Variants in CDH13 observed in about 807,000 individuals in gnomAD.
CDH13 encodes the protein cadherin-13.
In CDH13, 24 loss-of-function variants were observed where a neutral mutation model predicts 63.8. The observed-to-expected ratio is 0.38, with a 90% CI of 0.27 to 0.53. The LOEUF (loss-of-function observed/expected upper bound fraction) is 0.53. Ranked by LOEUF, CDH13 falls within the 20% of genes least tolerant of loss-of-function variation. The pLI is 0.85. For synonymous variants in CDH13, 503 were observed against 355.3 expected (o/e 1.42, Z -4.67); for missense variants, 1,049 against 903.1 (o/e 1.16, Z -2.07).
intron 6 of CDH13, among the ~76,000 whole-genome samples, chr16:83,350,525 C>G (rs761540016): frequency 6.7e-6 from 1 of 150,280 alleles, no homozygotes; most frequent in East Asian, 1.9e-4. Flanking sequence ...CAGCCACTTT[C>G]CCTCCCTCTC....
chr16:83,678,365 C>G lies in CDH13; in HGVS notation c.1442C>G (p.Pro481Arg), dbSNP rs766801392. ...VNEGPVFYPD[P>R]MMVTRQEDLS... The stretch of plus-strand genomic sequence containing the variant: ...GAGGGCCCAGTCTTCTACCCAGACC[C>G]CATGATGGTGACCAGGCAGGAGGAC... Residue 481 changes from proline (P) to arginine (R), a missense_variant, in exon 10 of 14, where the codon CCC becomes CGC. Transcript: ENST00000567109. 3.1e-6 allele frequency: 5 copies of G among 1,613,988 alleles called. No individual in the cohort carries two copies. In the Admixed American group the frequency reaches 6.7e-5, roughly 22 times the overall value.
chr16:83,469,830 C>G (rs1472018843), intron 6 of CDH13, among the ~76,000 whole-genome samples: 2 of 152,216 alleles, frequency 1.3e-5, no homozygotes, highest in African/African-American at 2.4e-5. Flanking sequence ...CAAAGCACAT[C>G]TCATATTTGA....
intron 1 of CDH13, among the ~76,000 whole-genome samples, chr16:82,766,660 T>G (rs2035064740): frequency 6.6e-6 from 1 of 152,232 alleles, no homozygotes; most frequent in African/African-American, 2.4e-5. Flanking sequence ...CCTCATTGTT[T>G]ATGTCTTTAC....
At chr16:82,998,385 C>G (rs1158564253) in intron 2 of CDH13, among the ~76,000 whole-genome samples, 1 of 152,178 alleles carries the variant, frequency 6.6e-6, no homozygotes, top group Non-Finnish European at 1.5e-5. Context: ...AAGAGTATCA[C>G]TTTCGTGAAG....
intron 1 of CDH13, among the ~76,000 whole-genome samples, chr16:82,736,503 G>T (rs1256701045): frequency 1.3e-5 from 2 of 152,078 alleles, no homozygotes; most frequent in Non-Finnish European, 2.9e-5. Flanking sequence ...AAAATAAACA[G>T]AGCACTGCCA....
intron 2 of CDH13, among the ~76,000 whole-genome samples, chr16:82,968,844 G>A (rs756536730): frequency 3.9e-5 from 6 of 152,248 alleles, no homozygotes; most frequent in South Asian, 2.1e-4. Context: ...ATAAGGCTGG[G>A]TGTAGTGGCT....
At chr16:82,852,181 T>C (rs1044114794) in intron 1 of CDH13, among the ~76,000 whole-genome samples, 1 of 152,192 alleles carries the variant, frequency 6.6e-6, no homozygotes, top group Non-Finnish European at 1.5e-5. Context: ...AGTTGTGTCA[T>C]GTTTTTCTTC....
At chr16:83,788,671 T>C (rs544659993) in intron 13 of CDH13, among the ~76,000 whole-genome samples, 2 of 152,280 alleles carry the variant, frequency 1.3e-5, no homozygotes, top group African/African-American at 4.8e-5. Context: ...CCCTAAAGAA[T>C]TGCTTCACAG....
chr16:82,881,262 T>G (rs1259192818), intron 2 of CDH13, among the ~76,000 whole-genome samples: 1 of 152,086 alleles, frequency 6.6e-6, no homozygotes, highest in Non-Finnish European at 1.5e-5. Flanking sequence ...TTGGATGCCA[T>G]GGGTTGAAGT....
At chr16:83,116,906 G>T (rs1168731339) in intron 3 of CDH13, among the ~76,000 whole-genome samples, 1 of 152,176 alleles carries the variant, frequency 6.6e-6, no homozygotes, top group South Asian at 2.1e-4. Flanking sequence ...AGTGTTCACT[G>T]CAGGACAATG....
chr16:82,797,807 G>GTGTGTGTGTGTGTA (rs147687670), intron 1 of CDH13, among the ~76,000 whole-genome samples: 2 of 150,190 alleles, frequency 1.3e-5, no homozygotes, highest in Non-Finnish European at 3.0e-5. Context: ...GTGTGTGTGT[G>GTGTGTGTGTGTGTA]TATACATGTG....
At chr16:83,036,212 C>G (rs1357908768) in intron 3 of CDH13, among the ~76,000 whole-genome samples, 1 of 137,584 alleles carries the variant, frequency 7.3e-6, no homozygotes, top group Non-Finnish European at 1.5e-5. Flanking sequence ...TGCAATGGTA[C>G]AATCTCAGCT....
At chr16:82,688,044 G>C (rs1029747323) in intron 1 of CDH13, among the ~76,000 whole-genome samples, 1 of 152,188 alleles carries the variant, frequency 6.6e-6, no homozygotes, top group Admixed American at 6.5e-5. Flanking sequence ...GGCAGCAATG[G>C]TTCAAGTGCA....
At chr16:82,667,062 C>G (rs1160177405) in intron 1 of CDH13, among the ~76,000 whole-genome samples, 1 of 152,194 alleles carries the variant, frequency 6.6e-6, no homozygotes, top group Admixed American at 6.5e-5. Context: ...ACAAAGGAAT[C>G]AGCTGTTCCT....
chr16:83,037,507 AAG>A (rs1916968419), intron 3 of CDH13, among the ~76,000 whole-genome samples: 2 of 152,324 alleles, frequency 1.3e-5, no homozygotes, highest in South Asian at 4.1e-4. Context: ...GAAAGGAAGA[AAG>A]AGCCAGGATC....
chr16:82,992,488 G>A (rs1331587116), intron 2 of CDH13, among the ~76,000 whole-genome samples: 1 of 152,106 alleles, frequency 6.6e-6, no homozygotes, highest in Non-Finnish European at 1.5e-5. Context: ...CCAGTCAAGG[G>A]GCAGGGTGGG....
At chr16:83,020,122 C>G (rs947064980) in intron 2 of CDH13, among the ~76,000 whole-genome samples, 1 of 152,172 alleles carries the variant, frequency 6.6e-6, no homozygotes, top group East Asian at 1.9e-4. Context: ...CTCTGTAGAT[C>G]AGAACATCGC....
At chr16:83,128,063 T>C (rs2035889325) in intron 4 of CDH13, among the ~76,000 whole-genome samples, 1 of 152,210 alleles carries the variant, frequency 6.6e-6, no homozygotes, top group Non-Finnish European at 1.5e-5. Context: ...AGATGCATTC[T>C]CGTTTTTCAG....
intron 1 of CDH13, among the ~76,000 whole-genome samples, chr16:82,633,584 G>C (rs970738970): frequency 3.9e-5 from 6 of 152,178 alleles, no homozygotes; most frequent in Admixed American, 2.6e-4. Context: ...TCACTGTCTT[G>C]GCCAGGCTGG....
Sources: allele counts gnomAD v4.1 joint callset (sites outside exome capture counted in the v4.1 genomes callset), GRCh38; gene constraint gnomAD v4.1.1; transcripts MANE v1.5; gene names NCBI Gene and HGNC (gene_info 2026-07-23, HGNC 2026-07-21).